CTNNA3: variants seen among roughly 807,000 people sequenced by gnomAD.
CTNNA3 encodes the protein catenin alpha-3.
CTNNA3 carries 76 observed loss-of-function variants against 95.7 expected under a neutral mutation model. The observed-to-expected ratio is 0.79, with a 90% CI of 0.66 to 0.96. The LOEUF (loss-of-function observed/expected upper bound fraction) is 0.96. CTNNA3 is among the 40% of genes least tolerant of loss of function. The pLI is 0.00. For missense variants in CTNNA3, 1,191 were observed against 1,089.8 expected, an observed-to-expected ratio of 1.09 and a Z score of -1.31; for synonymous variants, 431 against 374.4, an observed-to-expected ratio of 1.15 and a Z score of -1.74.
intron 12 of CTNNA3, among the ~76,000 whole-genome samples, chr10:66,349,128 C>T (rs748181257): frequency 1.3e-5 from 2 of 152,082 alleles, no homozygotes; most frequent in Non-Finnish European, 2.9e-5. Context: ...CTCTCTCTTC[C>T]TTGATGGCAT....
At chr10:65,953,384 A>G (rs1346690730) in intron 17 of CTNNA3, among the ~76,000 whole-genome samples, 2 of 147,730 alleles carry the variant, frequency 1.4e-5, no homozygotes, top group African/African-American at 2.6e-5. Flanking sequence ...TTTTTTTTTT[A>G]GTGTTTTTTC....
At chr10:66,444,955 C>A (rs2093407501) in intron 11 of CTNNA3, among the ~76,000 whole-genome samples, 1 of 151,896 alleles carries the variant, frequency 6.6e-6, no homozygotes, top group South Asian at 2.1e-4. Flanking sequence ...CACGCATGGG[C>A]TCAAAATAAA....
At chr10:66,011,396 A>C (rs946730699) in intron 15 of CTNNA3, among the ~76,000 whole-genome samples, 4 of 151,986 alleles carry the variant, frequency 2.6e-5, no homozygotes, top group Non-Finnish European at 5.9e-5. Flanking sequence ...AACCAGAGAC[A>C]CTTGTTACTC....
intron 13 of CTNNA3, among the ~76,000 whole-genome samples, chr10:66,234,006 G>A (rs574414868): frequency 6.6e-6 from 1 of 152,232 alleles, no homozygotes; most frequent in Admixed American, 6.5e-5. Context: ...ATGTACATAT[G>A]TTCTCTGTTC....
At chr10:67,451,706 A>C (rs1360075983) in intron 5 of CTNNA3, among the ~76,000 whole-genome samples, 1 of 152,176 alleles carries the variant, frequency 6.6e-6, no homozygotes, top group Non-Finnish European at 1.5e-5. Flanking sequence ...TTCAACTAGA[A>C]TTTGATACTT....
chr10:67,607,471 TGAA>T (rs948068897), intron 2 of CTNNA3, among the ~76,000 whole-genome samples: 1 of 152,022 alleles, frequency 6.6e-6, no homozygotes, highest in East Asian at 1.9e-4. Context: ...CTGAGGAAGA[TGAA>T]GAAGAAGAGG....
intron 5 of CTNNA3, among the ~76,000 whole-genome samples, chr10:67,498,938 C>T (rs1324759383): frequency 6.6e-6 from 1 of 152,148 alleles, no homozygotes; most frequent in African/African-American, 2.4e-5. Context: ...CTTTCTCTTG[C>T]CTGATTGCCC....
At chr10:65,921,439 A>C (rs764254561) in intron 17 of CTNNA3, among the ~76,000 whole-genome samples, 5 of 152,242 alleles carry the variant, frequency 3.3e-5, no homozygotes, top group Admixed American at 3.3e-4. Flanking sequence ...GACATGGTAC[A>C]TATTCCTTCT....
In CTNNA3 at chr10:67,483,365, C is replaced by T. The variant is rs1430152914; in HGVS notation, c.579+38477G>A. ...CACAATAGCAAAGACTTGGAACCAA[C>T]CCAAATGTCCAACAATGATAGACTG... On this transcript the variant is annotated intron_variant, in intron 5 of 17. Coordinates refer to ENST00000433211, the MANE Select transcript of CTNNA3 (RefSeq NM_013266.4). 7.9e-4 allele frequency among the ~76,000 whole-genome samples: 114 copies of T among 144,150 alleles called. 2 individuals are homozygous for T. The highest frequency in any genetic ancestry group is 1.5e-3 in the Non-Finnish European group (101 of 67,608). 94.6% of individuals were successfully genotyped at this position (144,150 alleles called of 152,430 possible). A position where few individuals can be genotyped will look rare whatever the true frequency, so the allele number is the denominator to read the frequency against.
rs143155400 is a variant in CTNNA3, at chr10:67,251,479, T to G, written c.580-31609A>C. Among the ~76,000 whole-genome samples, 254 of 152,336 alleles carry G rather than the reference T, an allele frequency of 1.7e-3. 3 individuals are homozygous for G. The highest frequency in any genetic ancestry group is 5.9e-3 in the African/African-American group (246 of 41,574). On this transcript the variant is annotated intron_variant, in intron 5 of 17. Coordinates refer to ENST00000433211, the MANE Select transcript of CTNNA3 (RefSeq NM_013266.4). Reference sequence around the variant, plus strand: ...TTTAAATAGGGAATGTTATGATATGTGAATTATGCCTTAATAGAGTGGTTA... The same window carrying G: ...TTTAAATAGGGAATGTTATGATATGGGAATTATGCCTTAATAGAGTGGTTA...
At chr10:67,733,049 C>T (rs1224352391) in intron 1 of CTNNA3, among the ~76,000 whole-genome samples, 2 of 152,158 alleles carry the variant, frequency 1.3e-5, no homozygotes, top group Non-Finnish European at 2.9e-5. Context: ...AGCAGCTGCA[C>T]ATTCCAACAC....
intron 5 of CTNNA3, among the ~76,000 whole-genome samples, chr10:67,260,622 G>A (rs1454562571): frequency 2.0e-5 from 3 of 152,056 alleles, no homozygotes; most frequent in Non-Finnish European, 4.4e-5. Flanking sequence ...AGCATTGCAG[G>A]TATAAATAAC....
intron 10 of CTNNA3, among the ~76,000 whole-genome samples, chr10:66,589,789 T>A (rs1190187900): frequency 1.3e-5 from 2 of 152,078 alleles, no homozygotes; most frequent in Non-Finnish European, 2.9e-5. Flanking sequence ...TTAGATAAGA[T>A]CACTTAAAAA....
At chr10:66,588,769 G>T (rs1272373994) in intron 10 of CTNNA3, among the ~76,000 whole-genome samples, 1 of 152,040 alleles carries the variant, frequency 6.6e-6, no homozygotes, top group Non-Finnish European at 1.5e-5. Flanking sequence ...TCAATATTAG[G>T]TGCATGAAAT....
At chr10:66,887,378 C>T (rs996664082) in intron 7 of CTNNA3, among the ~76,000 whole-genome samples, 2 of 152,026 alleles carry the variant, frequency 1.3e-5, no homozygotes, top group East Asian at 1.9e-4. Flanking sequence ...ATATCACTAG[C>T]CTACTAACTC....
intron 9 of CTNNA3, among the ~76,000 whole-genome samples, chr10:66,642,273 CACACAA>C (rs781597692): frequency 0.14 from 10,685 of 74,484 alleles, 578 homozygotes; most frequent in East Asian, 0.34. Flanking sequence ...CACACACACA[CACACAA>C]ACACACACAC....
chr10:66,832,660 T>C (rs1259867863), intron 7 of CTNNA3, among the ~76,000 whole-genome samples: 1 of 151,992 alleles, frequency 6.6e-6, no homozygotes, highest in Admixed American at 6.6e-5. Context: ...GAAAAGGTTT[T>C]TTTATGACCC....
chr10:66,680,494 C>T (rs1446655046), intron 9 of CTNNA3, among the ~76,000 whole-genome samples: 3 of 152,024 alleles, frequency 2.0e-5, no homozygotes, highest in African/African-American at 4.8e-5. Context: ...TGTGGACAGC[C>T]CATGTGGATT....
intron 7 of CTNNA3, among the ~76,000 whole-genome samples, chr10:67,016,342 T>C (rs1410902642): frequency 1.3e-5 from 2 of 152,236 alleles, no homozygotes; most frequent in Non-Finnish European, 2.9e-5. Flanking sequence ...TTTTATTTTC[T>C]TAACATTGAA....
Sources: allele counts gnomAD v4.1 joint callset (sites outside exome capture counted in the v4.1 genomes callset), GRCh38; gene constraint gnomAD v4.1.1; transcripts MANE v1.5; gene names NCBI Gene and HGNC (gene_info 2026-07-23, HGNC 2026-07-21).